Variants in C19orf67 observed in about 807,000 individuals in gnomAD.
C19orf67 encodes chromosome 19 open reading frame 67, also known as UPF0575 protein C19orf67.
A neutral mutation model predicts 41.4 loss-of-function variants in C19orf67; 28 were observed. The ratio of observed to expected loss-of-function variants is 0.68; its 90% CI spans 0.50 to 0.93. The LOEUF is 0.93. C19orf67 is among the 40% of genes least tolerant of loss of function. The pLI, the probability that C19orf67 is intolerant of heterozygous loss-of-function variation, is 0.00. For synonymous variants in C19orf67, 242 were observed against 203.4 expected, an observed-to-expected ratio of 1.19 and a Z score of -1.62; for missense variants, 421 against 467.0, an observed-to-expected ratio of 0.90 and a Z score of 0.91.
At chr19:14,083,180 T>C in intron 4 of C19orf67, 57 bp downstream of exon 4, 2 of 1,433,890 alleles carry the variant, frequency 1.4e-6, no homozygotes, top group Non-Finnish European at 9.5e-7. Context: ...GTTTGGAGGG[T>C]CATATTGGCA....
chr19:14,084,026 T>A, intron 1 of C19orf67, 149 bp from the exon 2 acceptor site: 1 of 716,852 alleles, frequency 1.4e-6, no homozygotes, highest in Non-Finnish European at 1.9e-6. Flanking sequence ...AACATCTTTC[T>A]GGTTTACCTG....
chr19:14,085,578 T>G lies in C19orf67; in HGVS notation c.50A>C (p.Glu17Ala). Residue 17 changes from glutamate (E) to alanine (A), a missense_variant, in exon 1 of 6, where the codon GAA (glutamate) becomes GCA (alanine). Coordinates refer to ENST00000548523, the MANE Select transcript of C19orf67 (RefSeq NM_001277378.2). Reference protein sequence around the residue: ...FEGSLPLDPGETPPPDALEPG... With the variant: ...FEGSLPLDPGATPPPDALEPG... ...TTCCAAGGCGTCTGGAGGCGGTGTT[T>G]CTCCAGGGTCCAGGGGGAGCGACCC... 2 of 1,535,240 alleles carry G rather than the reference T, an allele frequency of 1.3e-6. No individual in the cohort carries two copies. The highest frequency in any genetic ancestry group is 1.7e-6 in the Non-Finnish European group (2 of 1,146,614).
chr19:14,081,626 CTCTT>C lies in C19orf67; in HGVS notation c.*204_*207del, dbSNP rs542572506. 4.5e-4 allele frequency: 186 copies of C among 417,186 alleles called. 2 individuals carry two copies. In the East Asian group the frequency reaches 5.7e-3, roughly 13 times the overall value. The allele number at this position is 417,186 out of a possible 1,614,324, so 25.8% of individuals were successfully genotyped here. On this transcript the variant is annotated 3_prime_UTR_variant, in exon 6 of 6. Transcript: ENST00000548523. Reference sequence around the variant, plus strand: ...TCGCAGCGGACGCTGAGCCTGTGACCTCTTTCTTTCTTTTATTTAACACAAAACT... The same window carrying C: ...TCGCAGCGGACGCTGAGCCTGTGACCTCTTTCTTTTATTTAACACAAAACT...
rs1443616967 is a variant in C19orf67 at position 14,082,616 on chromosome 19, G to A, written c.768-13C>T. 1.7e-5 allele frequency: 26 copies of A among 1,534,728 alleles called. No individual in the cohort carries two copies. Among genetic ancestry groups the A allele is most frequent in the African/African-American group, 2.7e-5 (2 of 72,944 alleles). Reference sequence around the variant, plus strand: ...GCACAGAAAGTAGCTAGGAGGGGAGGGAGCTGTAATTAGAAGTGATCAGCT... The same window carrying A: ...GCACAGAAAGTAGCTAGGAGGGGAGAGAGCTGTAATTAGAAGTGATCAGCT... On this transcript the variant is annotated splice_polypyrimidine_tract_variant and intron_variant, in intron 4 of 5. Coordinates refer to ENST00000548523, the MANE Select transcript of C19orf67 (RefSeq NM_001277378.2).
chr19:14,081,663 C>T lies in C19orf67; in HGVS notation c.*171G>A. 1 of 491,560 alleles carries T rather than the reference C, an allele frequency of 2.0e-6. No individual in the cohort carries two copies. Among genetic ancestry groups the T allele is most frequent in the Non-Finnish European group, 3.5e-6 (1 of 285,570 alleles). 30.4% of individuals were successfully genotyped at this position (491,560 alleles called of 1,614,324 possible). On this transcript the variant is annotated 3_prime_UTR_variant, in exon 6 of 6. Transcript: ENST00000548523. ...TTTATTTAACACAAAACTGACGTGT[C>T]CGCATTCAGGGCCCCACGGCCAAGC...
chr19:14,081,891 G>A lies in C19orf67; in HGVS notation c.1020C>T (p.Gly340=). 1 of 1,534,200 alleles carries A rather than the reference G, an allele frequency of 6.5e-7. No homozygotes were observed. The change falls in exon 6 of 6, where the codon GGC becomes GGT. Residue 340 remains glycine, a synonymous_variant. Transcript: ENST00000548523. The part of the protein sequence containing the change: ...LLVQILTGQA[G]QARPPSAAGP... The stretch of plus-strand genomic sequence containing the variant: ...CGGCTGCGCTCGGAGGCCGGGCCTG[G>A]CCTGCCTGGCCCGTGAGGATCTGCA...
At chr19:14,082,945 A>G (rs1034607095) in intron 4 of C19orf67, among the ~76,000 whole-genome samples, 1 of 151,950 alleles carries the variant, frequency 6.6e-6, no homozygotes, top group African/African-American at 2.4e-5. Flanking sequence ...CCTGGGCTCA[A>G]GTGCTCCTCC....
rs1268129085 is a variant in C19orf67 at position 14,085,415 on chromosome 19, C to G, written c.213G>C (p.Leu71=). The change falls in exon 1 of 6, where the codon CTG becomes CTC. Residue 71 remains leucine, a synonymous_variant. Transcript: ENST00000548523. ...ARASTSSPKP[L]VPRPGPAPPR... The stretch of plus-strand genomic sequence containing the variant: ...GAGGTGCTGGCCCAGGCCGGGGGAC[C>G]AGAGGTTTGGGGGAAGACGTGGAGG... 3.9e-6 allele frequency: 6 copies of G among 1,535,846 alleles called. No homozygotes were observed. The highest frequency in any genetic ancestry group is 5.2e-6 in the Non-Finnish European group (6 of 1,146,864).
At chr19:14,085,272 T>G in intron 1 of C19orf67, 21 bp downstream of exon 1, 1 of 1,533,662 alleles carries the variant, frequency 6.5e-7, no homozygotes, top group Non-Finnish European at 8.7e-7. Flanking sequence ...CATGGGGACC[T>G]GGGACCCTGT....
chr19:14,082,404 C>T, intron 5 of C19orf67, 65 bp downstream of exon 5: 1 of 1,467,336 alleles, frequency 6.8e-7, no homozygotes, highest in East Asian at 2.5e-5. Flanking sequence ...GGTGGATTGT[C>T]TTTGGTGGGG....
intron 4 of C19orf67, 105 bp downstream of exon 4, chr19:14,083,132 C>G (rs1280619338): frequency 9.8e-7 from 1 of 1,017,516 alleles, no homozygotes; most frequent in African/African-American, 1.6e-5. Flanking sequence ...TGAGCCACTG[C>G]CTCGGGCCCT....
Position 14,083,433 on chromosome 19 carries a change from A to G in C19orf67, c.582-11T>C. 2 of 1,531,050 alleles carry G rather than the reference A, an allele frequency of 1.3e-6. No individual in the cohort carries two copies. Among genetic ancestry groups the G allele is most frequent in the Non-Finnish European group, 1.7e-6 (2 of 1,143,044 alleles). 94.8% of individuals were successfully genotyped at this position (1,531,050 alleles called of 1,614,324 possible). Reference sequence around the variant, plus strand: ...AAGAAACAGGAGATGCTGGCGAGACATGAGAGAATGGAGGGGTGAGGCTGG... The same window carrying G: ...AAGAAACAGGAGATGCTGGCGAGACGTGAGAGAATGGAGGGGTGAGGCTGG... On this transcript the variant is annotated splice_polypyrimidine_tract_variant and intron_variant, in intron 3 of 5. Coordinates refer to ENST00000548523, the MANE Select transcript of C19orf67 (RefSeq NM_001277378.2).
At chr19:14,082,355 A>C in intron 5 of C19orf67, 114 bp downstream of exon 5, 1 of 1,225,662 alleles carries the variant, frequency 8.2e-7, no homozygotes, top group South Asian at 1.6e-5. Context: ...GGGCACAATA[A>C]AATGCTATCA....
At chr19:14,084,438 C>CGGA (rs1976821705) in intron 1 of C19orf67, among the ~76,000 whole-genome samples, 1 of 150,758 alleles carries the variant, frequency 6.6e-6, no homozygotes, top group South Asian at 2.1e-4. Context: ...ACCTGGGAGG[C>CGGA]GGAGGTTGCA....
intron 5 of C19orf67, among the ~76,000 whole-genome samples, chr19:14,082,251 C>T (rs1270478029): frequency 6.6e-6 from 1 of 152,198 alleles, no homozygotes; most frequent in Non-Finnish European, 1.5e-5. Context: ...GGGCAGGTAA[C>T]AACTTCTCTG....
chr19:14,085,710 A>G lies in C19orf67; in HGVS notation c.-83T>C. The G allele has an allele frequency of 1.9e-6, 2 of 1,026,240 alleles. No individual in the cohort carries two copies. The highest frequency in any genetic ancestry group is 2.9e-6 in the Non-Finnish European group (2 of 700,398). The allele number at this position is 1,026,240 out of a possible 1,614,324, so 63.6% of individuals were successfully genotyped here. Reference sequence around the variant, plus strand: ...GCCGCGGGTTCGACCCCGCCCCGGGAGCCTCCGACTGGCCCCTGCCTTGAC... The same window carrying G: ...GCCGCGGGTTCGACCCCGCCCCGGGGGCCTCCGACTGGCCCCTGCCTTGAC... On this transcript the variant is annotated 5_prime_UTR_variant, in exon 1 of 6. Coordinates refer to ENST00000548523, the MANE Select transcript of C19orf67 (RefSeq NM_001277378.2).
At chr19:14,084,668 T>C (rs894318259) in intron 1 of C19orf67, among the ~76,000 whole-genome samples, 4 of 151,870 alleles carry the variant, frequency 2.6e-5, no homozygotes, top group Non-Finnish European at 5.9e-5. Context: ...CTGTCTCTAC[T>C]AAGAAAAGAA....
In C19orf67 at chr19:14,082,596, G is replaced by GA; in HGVS notation, c.774dup (p.Leu259SerfsTer39). ...TCTTCCCAAGTATCTCGATAGCACA[G>GA]AAAGTAGCTAGGAGGGGAGGGAGCT... On this transcript the variant is annotated frameshift_variant, in exon 5 of 6. Coordinates refer to ENST00000548523, the MANE Select transcript of C19orf67 (RefSeq NM_001277378.2). LOFTEE classifies it high-confidence loss of function. 1 of 1,536,092 alleles carries GA rather than the reference G, an allele frequency of 6.5e-7. No homozygotes were observed.
chr19:14,082,629 G>C, intron 4 of C19orf67, 26 bp from the exon 5 acceptor site: 1 of 1,529,816 alleles, frequency 6.5e-7, no homozygotes, highest in Non-Finnish European at 8.8e-7. Flanking sequence ...GCTGTAATTA[G>C]AAGTGATCAG....
Sources: gnomAD v4.1 joint callset for allele counts (sites outside exome capture counted in the v4.1 genomes callset) on GRCh38, gnomAD v4.1.1 for gene constraint, MANE v1.5 for transcripts, NCBI Gene and HGNC (gene_info 2026-07-23, HGNC 2026-07-21) for gene names.